The following PLEKHA8 variants were observed in gnomAD, a reference collection of about 807,000 sequenced individuals.
PLEKHA8 encodes pleckstrin homology domain containing A8.
Under a neutral mutation model 68.2 loss-of-function variants are expected in PLEKHA8, and 36 were observed. The ratio of observed to expected loss-of-function variants is 0.53; its 90% CI spans 0.40 to 0.70. The LOEUF is 0.70. Ranked by LOEUF, PLEKHA8 falls within the 30% of genes least tolerant of loss-of-function variation. The pLI is 0.00. For missense variants in PLEKHA8, 505 were observed against 615.4 expected (o/e 0.82, Z 1.90); for synonymous variants, 211 against 216.1 (o/e 0.98, Z 0.20).
chr7:30,056,312 C>CTCTCTCTCTCTATATA lies in PLEKHA8; in HGVS notation c.1039+971_1039+972insCTCTCTCTCTATATAT, dbSNP rs796845171. Among the ~76,000 whole-genome samples, 85 of 94,542 alleles carry CTCTCTCTCTCTATATA rather than the reference C, an allele frequency of 9.0e-4. 1 individual carries two copies. The highest frequency in any genetic ancestry group is 2.7e-3 in the South Asian group (7 of 2,600). 62.0% of individuals were successfully genotyped at this position (94,542 alleles called of 152,430 possible). ...TCTCTCTCTCTCTCTCTCTCTCTCT[C>CTCTCTCTCTCTATATA]TATATATATATATATATATAAATAA... On this transcript the variant is annotated intron_variant, in intron 9 of 13. Coordinates refer to ENST00000449726, the MANE Select transcript of PLEKHA8 (RefSeq NM_001197026.2).
chr7:30,102,999 GT>G (rs1358606557), intron 13 of PLEKHA8, among the ~76,000 whole-genome samples: 19 of 152,340 alleles, frequency 1.2e-4, no homozygotes, highest in Admixed American at 6.5e-4. Flanking sequence ...AGCCCAGGAG[GT>G]GGAGGCTACA....
chr7:30,045,298 C>A, intron 2 of PLEKHA8, 97 bp downstream of exon 2: 2 of 866,728 alleles, frequency 2.3e-6, no homozygotes, highest in Non-Finnish European at 1.8e-6. Context: ...TCTGCTGCTC[C>A]CATAATACAG....
At chr7:30,059,327 A>C (rs189938679) in intron 9 of PLEKHA8, among the ~76,000 whole-genome samples, 1 of 152,352 alleles carries the variant, frequency 6.6e-6, no homozygotes, top group African/African-American at 2.4e-5. Flanking sequence ...TAGCATGTAC[A>C]TGCAAATTAT....
In PLEKHA8 at chr7:30,083,291, G is replaced by A. The variant is rs1795034869; in HGVS notation, c.*4504G>A. ...ACTTCTGTATGTCCCTTTGTAATCC[G>A]CAGTTGCTTACTCAGGGGTTTCATA... On this transcript the variant is annotated 3_prime_UTR_variant, in exon 14 of 14. Coordinates refer to ENST00000449726, the MANE Select transcript of PLEKHA8 (RefSeq NM_001197026.2). 2 of 984,296 alleles carry A rather than the reference G, an allele frequency of 2.0e-6. No homozygotes were observed. Among genetic ancestry groups the A allele is most frequent in the South Asian group, 4.7e-5 (1 of 21,258 alleles). The allele number at this position is 984,296 out of a possible 1,614,324, so 61.0% of individuals were successfully genotyped here.
chr7:30,098,927 C>T (rs1391378730), intron 13 of PLEKHA8, among the ~76,000 whole-genome samples: 1 of 152,178 alleles, frequency 6.6e-6, no homozygotes, highest in Non-Finnish European at 1.5e-5. Flanking sequence ...GAGCTGTAGA[C>T]TGGAGCTGTT....
rs140833151 is a variant in PLEKHA8, at chr7:30,043,620, G to A, written c.41-1465G>A. The stretch of plus-strand genomic sequence containing the variant: ...CCTGAGTATTGCACTTTCTGGAAAA[G>A]CAGACCCTGATTAAGTAAATGATGA... On this transcript the variant is annotated intron_variant, in intron 1 of 13. Transcript: ENST00000449726. Among the ~76,000 whole-genome samples, 3 of 152,280 alleles carry A rather than the reference G, an allele frequency of 2.0e-5. No individual in the cohort carries two copies. In the East Asian group the frequency reaches 5.8e-4, roughly 29 times the overall value.
chr7:30,120,905 T>C (rs1177711463), intron 13 of PLEKHA8, among the ~76,000 whole-genome samples: 10 of 152,184 alleles, frequency 6.6e-5, no homozygotes, highest in Non-Finnish European at 1.3e-4. Flanking sequence ...CCAAGACAAA[T>C]GCTAAAACAA....
At chr7:30,032,334 T>G (rs997621859) in intron 1 of PLEKHA8, among the ~76,000 whole-genome samples, 2 of 152,236 alleles carry the variant, frequency 1.3e-5, no homozygotes, top group African/African-American at 4.8e-5. Context: ...CCTTAGTATC[T>G]TCCTCCATTT....
chr7:30,049,124 CATT>C (rs1221241540), intron 4 of PLEKHA8, 97 bp from the exon 5 acceptor site: 7 of 1,381,730 alleles, frequency 5.1e-6, no homozygotes, highest in East Asian at 4.6e-5. Context: ...CAGGTGGGTA[CATT>C]ATTATTATTT....
intron 13 of PLEKHA8, among the ~76,000 whole-genome samples, chr7:30,113,082 A>G (rs971193484): frequency 1.3e-5 from 2 of 151,966 alleles, no homozygotes; most frequent in Admixed American, 1.3e-4. Flanking sequence ...CCTCAAATTC[A>G]TCATCATCAT....
intron 1 of PLEKHA8, among the ~76,000 whole-genome samples, chr7:30,043,467 C>T (rs1243040601): frequency 6.6e-6 from 1 of 152,008 alleles, no homozygotes; most frequent in African/African-American, 2.4e-5. Context: ...GAGCAAAAGC[C>T]ATAGTTTAAG....
intron 12 of PLEKHA8, among the ~76,000 whole-genome samples, chr7:30,064,124 A>G (rs1696671620): frequency 6.6e-6 from 1 of 152,254 alleles, no homozygotes; most frequent in Non-Finnish European, 1.5e-5. Flanking sequence ...CTCTGCCCTT[A>G]GGCAAGTTAT....
intron 9 of PLEKHA8, among the ~76,000 whole-genome samples, chr7:30,059,659 A>G (rs1163138245): frequency 1.4e-5 from 2 of 146,722 alleles, no homozygotes; most frequent in East Asian, 2.0e-4. Flanking sequence ...TTTTAGATCA[A>G]TCAAGTATTT....
At chr7:30,070,487 A>G (rs184216047) in intron 12 of PLEKHA8, among the ~76,000 whole-genome samples, 58 of 151,396 alleles carry the variant, frequency 3.8e-4, no homozygotes, top group African/African-American at 1.3e-3. Context: ...GGTTAACTTG[A>G]ATGGCAATGT....
chr7:30,050,729 T>C (rs1291982474), intron 6 of PLEKHA8: 1 of 340,564 alleles, frequency 2.9e-6, no homozygotes, highest in African/African-American at 2.1e-5. Context: ...TAGTAACTTT[T>C]AATCTCTCTA....
At chr7:30,043,064 C>T (rs1791664875) in intron 1 of PLEKHA8, among the ~76,000 whole-genome samples, 1 of 152,092 alleles carries the variant, frequency 6.6e-6, no homozygotes, top group Non-Finnish European at 1.5e-5. Flanking sequence ...TGCAGTGGCA[C>T]AGTCATGGCT....
At position 30,125,819 on chromosome 7, in the gene PLEKHA8, T is replaced by G. The variant is rs535874736; in HGVS notation, c.1363-3447T>G. Among the ~76,000 whole-genome samples, 5 of 152,336 alleles carry G rather than the reference T, an allele frequency of 3.3e-5. No individual in the cohort carries two copies. In the East Asian group the frequency reaches 5.8e-4, roughly 18 times the overall value. ...GTCTCATAATTGTTATATCTCAATT[T>G]ATTTTTCTATATAAAAATTGTGTTC... On this transcript the variant is annotated intron_variant, in intron 13 of 13. Transcript: ENST00000396257.
chr7:30,129,305 C>T (rs1278683770), exon 14 of PLEKHA8: 2 of 1,612,816 alleles, frequency 1.2e-6, no homozygotes, highest in East Asian at 2.2e-5. Context: ...CAGAAACCAT[C>T]ATGGACCATG....
chr7:30,098,748 G>T (rs139305367), intron 13 of PLEKHA8, among the ~76,000 whole-genome samples: 2 of 152,204 alleles, frequency 1.3e-5, no homozygotes, highest in Non-Finnish European at 2.9e-5. Context: ...TCTTTGACTA[G>T]GAAAGGGAAT....
Sources: gnomAD v4.1 joint callset for allele counts (sites outside exome capture counted in the v4.1 genomes callset) on GRCh38, gnomAD v4.1.1 for gene constraint, MANE v1.5 for transcripts, NCBI Gene and HGNC (gene_info 2026-07-23, HGNC 2026-07-21) for gene names.